Variants in TYW1 observed in about 807,000 individuals in gnomAD.
TYW1 encodes tRNA-yW synthesizing protein 1 homolog, also known as S-adenosyl-L-methionine-dependent tRNA 4-demethylwyosine synthase TYW1.
A neutral mutation model predicts 96.2 loss-of-function variants in TYW1; 46 were observed. The ratio of observed to expected loss-of-function variants is 0.48; its 90% CI spans 0.38 to 0.61. The LOEUF (loss-of-function observed/expected upper bound fraction) is 0.61, where lower values mean the gene tolerates loss of function less well. TYW1 is among the 20% of genes least tolerant of loss of function. The pLI is 0.00. For missense variants in TYW1, 684 were observed against 909.6 expected, an observed-to-expected ratio of 0.75 and a Z score of 3.19; for synonymous variants, 274 against 323.0, an observed-to-expected ratio of 0.85 and a Z score of 1.63.
intron 7 of TYW1, among the ~76,000 whole-genome samples, chr7:67,043,711 G>A (rs1795098820): frequency 6.6e-6 from 1 of 152,084 alleles, no homozygotes; most frequent in Admixed American, 6.6e-5. Context: ...GACTCACCAT[G>A]GTCTCTGTAG....
intron 11 of TYW1, among the ~76,000 whole-genome samples, chr7:67,098,110 C>G (rs1563011902): frequency 6.6e-6 from 1 of 152,238 alleles, no homozygotes; most frequent in Middle Eastern, 3.4e-3. Context: ...TTCTTTTTCT[C>G]TCCTATACAG....
chr7:67,024,764 G>A (rs1794391299), intron 6 of TYW1, 136 bp from the exon 7 acceptor site: 3 of 1,367,450 alleles, frequency 2.2e-6, no homozygotes, highest in Middle Eastern at 2.7e-4. Flanking sequence ...CTGGGCGACA[G>A]AGCGAGACCC....
At chr7:67,095,383 C>T (rs1796866791) in intron 11 of TYW1, among the ~76,000 whole-genome samples, 1 of 151,828 alleles carries the variant, frequency 6.6e-6, no homozygotes, top group Non-Finnish European at 1.5e-5. Flanking sequence ...TTTGTGAGTC[C>T]CTTCAATAAA....
intron 13 of TYW1, among the ~76,000 whole-genome samples, chr7:67,160,740 T>C (rs112851461): frequency 6.6e-6 from 1 of 151,454 alleles, no homozygotes; most frequent in African/African-American, 2.4e-5. Flanking sequence ...TATAGGTGCC[T>C]GCCACCATGC....
chr7:67,049,914 A>C (rs769145404), intron 7 of TYW1, 35 bp from the exon 8 acceptor site: 1 of 1,612,594 alleles, frequency 6.2e-7, no homozygotes, highest in Non-Finnish European at 8.5e-7. Context: ...GCACATTACC[A>C]ATTCTGGATT....
intron 13 of TYW1, among the ~76,000 whole-genome samples, chr7:67,124,923 C>T (rs193019981): frequency 7.2e-4 from 109 of 152,246 alleles, no homozygotes; most frequent in Middle Eastern, 3.4e-3. Flanking sequence ...CACCCTCTGC[C>T]TCCTGGGTTC....
At chr7:67,125,620 G>T (rs540438903) in intron 13 of TYW1, among the ~76,000 whole-genome samples, 66 of 152,104 alleles carry the variant, frequency 4.3e-4, no homozygotes, top group Admixed American at 1.0e-3. Context: ...TGTTGTGGTT[G>T]TACATCTGTG....
At chr7:67,194,758 G>A (rs912046514) in intron 14 of TYW1, among the ~76,000 whole-genome samples, 3 of 149,992 alleles carry the variant, frequency 2.0e-5, no homozygotes, top group African/African-American at 7.5e-5. Flanking sequence ...TACTTGGTCA[G>A]TGAATTTTTA....
intron 13 of TYW1, among the ~76,000 whole-genome samples, chr7:67,127,719 T>G (rs979592683): frequency 8.5e-5 from 13 of 152,216 alleles, no homozygotes; most frequent in African/African-American, 2.7e-4. Flanking sequence ...AAGAACTTCT[T>G]TTAACATTTC....
intron 8 of TYW1, among the ~76,000 whole-genome samples, chr7:67,052,391 A>G (rs1167683164): frequency 1.3e-5 from 2 of 152,122 alleles, no homozygotes; most frequent in Non-Finnish European, 1.5e-5. Flanking sequence ...TTCTATTGCT[A>G]TGTTTTCAAG....
chr7:67,092,754 C>T (rs3107596), intron 11 of TYW1, among the ~76,000 whole-genome samples: 2 of 134,476 alleles, frequency 1.5e-5, no homozygotes, highest in African/African-American at 2.8e-5. Flanking sequence ...GAGATCTCGG[C>T]TCACTGCAAC....
intron 13 of TYW1, among the ~76,000 whole-genome samples, chr7:67,149,742 C>CTATG (rs1466727362): frequency 1.4e-4 from 12 of 84,122 alleles, no homozygotes; most frequent in Non-Finnish European, 2.2e-4. Context: ...ATCTATCTAT[C>CTATG]TATCTATCTA....
At chr7:67,130,656 TCTTAA>T (rs1798043104) in intron 13 of TYW1, among the ~76,000 whole-genome samples, 1 of 149,100 alleles carries the variant, frequency 6.7e-6, no homozygotes, top group Admixed American at 6.8e-5. Context: ...AGAGCGAGAC[TCTTAA>T]CTCAAAAAAA....
At chr7:67,140,228 C>T (rs891987005) in intron 13 of TYW1, among the ~76,000 whole-genome samples, 2 of 152,224 alleles carry the variant, frequency 1.3e-5, no homozygotes, top group East Asian at 1.9e-4. Flanking sequence ...TGTGGGAATT[C>T]AAGATGAGAT....
chr7:67,209,102 A>G (rs979234089), intron 15 of TYW1, among the ~76,000 whole-genome samples: 1 of 152,196 alleles, frequency 6.6e-6, no homozygotes, highest in Non-Finnish European at 1.5e-5. Flanking sequence ...AAAGACCGCA[A>G]TTACTTTTGC....
chr7:67,141,497 A>C (rs1798446811), intron 13 of TYW1, among the ~76,000 whole-genome samples: 1 of 152,086 alleles, frequency 6.6e-6, no homozygotes, highest in African/African-American at 2.4e-5. Flanking sequence ...TACTCCATTT[A>C]TTCCCCCGCC....
intron 12 of TYW1, among the ~76,000 whole-genome samples, chr7:67,116,858 G>A (rs1054614845): frequency 1.3e-5 from 2 of 152,040 alleles, no homozygotes; most frequent in African/African-American, 4.8e-5. Context: ...TTTTCTTCTG[G>A]GCTGTGGTCC....
intron 13 of TYW1, among the ~76,000 whole-genome samples, chr7:67,167,214 A>G: frequency 6.6e-6 from 1 of 152,130 alleles, no homozygotes; most frequent in Admixed American, 6.5e-5. Context: ...TCACGCCTAT[A>G]ATCCCAGCTC....
chr7:67,025,058 C>T (rs1285093224), intron 7 of TYW1, 36 bp downstream of exon 7: 12 of 1,611,984 alleles, frequency 7.4e-6, no homozygotes, highest in Middle Eastern at 1.6e-4. Flanking sequence ...ACTTGGCTCC[C>T]GCAGTTGGTT....
Sources: gnomAD v4.1 joint callset for allele counts (sites outside exome capture counted in the v4.1 genomes callset) on GRCh38, gnomAD v4.1.1 for gene constraint, MANE v1.5 for transcripts, NCBI Gene and HGNC (gene_info 2026-07-23, HGNC 2026-07-21) for gene names.